LRRC4C: variants seen among roughly 807,000 people sequenced by gnomAD.
LRRC4C encodes the protein leucine rich repeat containing 4C.
In LRRC4C, 5 loss-of-function variants were observed where a neutral mutation model predicts 33.6. The observed-to-expected ratio is 0.15, with a 90% CI of 0.08 to 0.31. The LOEUF (loss-of-function observed/expected upper bound fraction) is 0.31. Among genes scored for constraint, LRRC4C ranks in the 10% least tolerant of loss-of-function variants. The pLI is 1.00. For synonymous variants in LRRC4C, 329 were observed against 302.0 expected (o/e 1.09, Z -0.93); for missense variants, 560 against 796.7 (o/e 0.70, Z 3.58).
chr11:40,152,026 A>C (rs1266261976), intron 5 of LRRC4C, among the ~76,000 whole-genome samples: 1 of 152,146 alleles, frequency 6.6e-6, no homozygotes, highest in East Asian at 1.9e-4. Flanking sequence ...TTAGCTCCAG[A>C]TGGCCTGCAA....
At chr11:41,197,388 G>T (rs1264276547) in intron 1 of LRRC4C, among the ~76,000 whole-genome samples, 2 of 151,946 alleles carry the variant, frequency 1.3e-5, no homozygotes, top group African/African-American at 4.8e-5. Context: ...CTGCAACCTG[G>T]CTGGTACCAT....
At chr11:41,332,714 C>A (rs566961395) in intron 1 of LRRC4C, among the ~76,000 whole-genome samples, 1 of 152,120 alleles carries the variant, frequency 6.6e-6, no homozygotes, top group Non-Finnish European at 1.5e-5. Context: ...TTCACTTGTG[C>A]GAACTTTTCT....
chr11:41,050,345 C>T lies in LRRC4C; in HGVS notation c.-495-116622G>A, dbSNP rs534618855. On this transcript the variant is annotated intron_variant, in intron 1 of 6. Coordinates refer to ENST00000528697, the MANE Select transcript of LRRC4C (RefSeq NM_001258419.2). Reference sequence around the variant, plus strand: ...ACATAGCTATACATGGGCCATGTTACGTAGCTATACATGGGTGGTTTGCTG... The same window carrying T: ...ACATAGCTATACATGGGCCATGTTATGTAGCTATACATGGGTGGTTTGCTG... Among the ~76,000 whole-genome samples the T allele has an allele frequency of 3.8e-4, 58 of 152,200 alleles. 1 individual carries two copies. The highest frequency in any genetic ancestry group is 1.3e-3 in the African/African-American group (56 of 41,522).
At chr11:40,200,963 A>T (rs1321169114) in intron 5 of LRRC4C, among the ~76,000 whole-genome samples, 2 of 152,070 alleles carry the variant, frequency 1.3e-5, no homozygotes, top group Non-Finnish European at 2.9e-5. Flanking sequence ...TACTCATGAA[A>T]ATATACCCTC....
intron 2 of LRRC4C, among the ~76,000 whole-genome samples, chr11:40,662,710 T>G (rs1032811785): frequency 3.3e-5 from 5 of 152,346 alleles, no homozygotes; most frequent in African/African-American, 1.2e-4. Context: ...TCAGAAGATC[T>G]GGGTTCAAAT....
At chr11:41,434,361 T>A (rs756160512) in intron 1 of LRRC4C, among the ~76,000 whole-genome samples, 1 of 152,068 alleles carries the variant, frequency 6.6e-6, no homozygotes, top group African/African-American at 2.4e-5. Flanking sequence ...AGCAAAAAAA[T>A]TTGAAAATTG....
At chr11:40,385,919 A>AAAT (rs1949094528) in intron 3 of LRRC4C, among the ~76,000 whole-genome samples, 1 of 150,320 alleles carries the variant, frequency 6.7e-6, no homozygotes, top group African/African-American at 2.4e-5. Context: ...AAAAATAAAA[A>AAAT]AGAAAAGCTA....
intron 1 of LRRC4C, among the ~76,000 whole-genome samples, chr11:41,274,755 G>T (rs1207378173): frequency 6.6e-6 from 1 of 152,058 alleles, no homozygotes; most frequent in Non-Finnish European, 1.5e-5. Flanking sequence ...TCTTGCTGCT[G>T]CTCACTCTTT....
chr11:41,226,021 G>T (rs1451160132), intron 1 of LRRC4C, among the ~76,000 whole-genome samples: 1 of 152,140 alleles, frequency 6.6e-6, no homozygotes. Context: ...ACTACTAGCA[G>T]TGGTTTAATG....
At chr11:41,005,006 A>ATTATTATTATT (rs371065177) in intron 1 of LRRC4C, among the ~76,000 whole-genome samples, 3 of 151,394 alleles carry the variant, frequency 2.0e-5, no homozygotes, top group Non-Finnish European at 2.9e-5. Flanking sequence ...TTATTATTAT[A>ATTATTATTATT]ATTATTACAG....
At chr11:41,357,116 C>A (rs575810988) in intron 1 of LRRC4C, among the ~76,000 whole-genome samples, 2 of 151,644 alleles carry the variant, frequency 1.3e-5, no homozygotes, top group Non-Finnish European at 2.9e-5. Flanking sequence ...GTAGTTTAGG[C>A]CAATTTAAAA....
intron 1 of LRRC4C, among the ~76,000 whole-genome samples, chr11:41,312,896 C>T (rs1023918700): frequency 3.3e-5 from 5 of 152,152 alleles, no homozygotes; most frequent in African/African-American, 7.2e-5. Flanking sequence ...ATACATAAAA[C>T]GCTTCCATCA....
chr11:41,120,939 C>A (rs2135760871), intron 1 of LRRC4C, among the ~76,000 whole-genome samples: 1 of 152,250 alleles, frequency 6.6e-6, no homozygotes, highest in African/African-American at 2.4e-5. Flanking sequence ...GATGTGCTTG[C>A]TTCCCCTTTG....
In LRRC4C at chr11:41,048,313, G is replaced by T. The variant is rs1335069817; in HGVS notation, c.-495-114590C>A. ...AGAGTCTCACTCTGTTGCCCATGCT[G>T]GAGTGCAGTGGCACAATCTCAGCTC... On this transcript the variant is annotated intron_variant, in intron 1 of 6. Transcript: ENST00000528697. Among the ~76,000 whole-genome samples, 10 of 130,630 alleles carry T rather than the reference G, an allele frequency of 7.7e-5. No individual in the cohort carries two copies. In the South Asian group the frequency reaches 1.6e-3, roughly 21 times the overall value. 85.7% of individuals were successfully genotyped at this position (130,630 alleles called of 152,430 possible).
chr11:41,255,679 C>T (rs1300913750), intron 1 of LRRC4C, among the ~76,000 whole-genome samples: 1 of 151,796 alleles, frequency 6.6e-6, no homozygotes, highest in Non-Finnish European at 1.5e-5. Flanking sequence ...CCTCCTGATA[C>T]CCTGGAAAAA....
In LRRC4C at chr11:41,448,142, TG is replaced by T. The variant is rs1489617341; in HGVS notation, c.-496+11288del. 2.1e-5 allele frequency among the ~76,000 whole-genome samples: 3 copies of T among 145,086 alleles called. 1 individual carries two copies. The highest frequency in any genetic ancestry group is 4.5e-5 in the Non-Finnish European group (3 of 66,110). ...CGTCTGTTTTTTTTTTTTTTTTTTT[TG>T]GAGCTTTACTTCATCAGTGTCCACA... is the stretch of plus-strand genomic sequence containing the variant. On this transcript the variant is annotated intron_variant, in intron 1 of 6. Transcript: ENST00000528697.
intron 1 of LRRC4C, among the ~76,000 whole-genome samples, chr11:41,052,101 A>G (rs906701178): frequency 1.3e-5 from 2 of 152,136 alleles, no homozygotes; most frequent in African/African-American, 4.8e-5. Context: ...GACAAAACAT[A>G]ATACCTGAGC....
At chr11:40,803,368 GA>G (rs1440289445) in intron 2 of LRRC4C, among the ~76,000 whole-genome samples, 2 of 152,098 alleles carry the variant, frequency 1.3e-5, no homozygotes, top group African/African-American at 4.8e-5. Context: ...CCCCTTAACT[GA>G]AAGTAAACAG....
intron 1 of LRRC4C, among the ~76,000 whole-genome samples, chr11:40,987,454 C>T (rs1226332813): frequency 1.3e-5 from 2 of 151,790 alleles, no homozygotes; most frequent in Admixed American, 6.6e-5. Context: ...CTTGCTCTGC[C>T]TGTTTTCCAA....
Sources: gnomAD v4.1 joint callset for allele counts (sites outside exome capture counted in the v4.1 genomes callset) on GRCh38, gnomAD v4.1.1 for gene constraint, MANE v1.5 for transcripts, NCBI Gene and HGNC (gene_info 2026-07-23, HGNC 2026-07-21) for gene names.